Variants in SNX20 observed in about 807,000 individuals in gnomAD.
The protein encoded by SNX20 is sorting nexin 20.
SNX20 carries 21 observed loss-of-function variants against 24.5 expected under a neutral mutation model. The ratio of observed to expected loss-of-function variants is 0.86; its 90% CI spans 0.61 to 1.23. SNX20 has a LOEUF of 1.23. Ranked by LOEUF, SNX20 falls within the 50% of genes most tolerant of loss-of-function variation. The pLI is 0.00. For missense variants in SNX20, 433 were observed against 430.8 expected (o/e 1.00, Z -0.04); for synonymous variants, 206 against 192.8 (o/e 1.07, Z -0.57).
In SNX20 at chr16:50,675,671, C is replaced by G. The variant is rs922206545; in HGVS notation, c.282+99G>C. The G allele has an allele frequency of 5.5e-6, 8 of 1,466,014 alleles. No individual in the cohort carries two copies. The African/African-American group carries it at 1.1e-4, about 21-fold the overall frequency. 90.8% of individuals were successfully genotyped at this position (1,466,014 alleles called of 1,614,324 possible). A position where few individuals can be genotyped will look rare whatever the true frequency, so the allele number is the denominator to read the frequency against. On this transcript the variant is annotated intron_variant, in intron 3 of 3. Coordinates refer to ENST00000330943, the MANE Select transcript of SNX20 (RefSeq NM_182854.4). ...AAAGCTGTGAGTTAGTGTGTTGACC[C>G]ATTTCATAGTTGGGAAACCTGAGGC... is the stretch of plus-strand genomic sequence containing the variant.
intron 1 of SNX20, among the ~76,000 whole-genome samples, chr16:50,677,807 T>A (rs1000632392): frequency 6.6e-6 from 1 of 152,210 alleles, no homozygotes; most frequent in Non-Finnish European, 1.5e-5. Context: ...TGCTCAGAGT[T>A]TTAAATGAGA....
chr16:50,668,014 A>G, downstream of SNX20: 1 of 1,551,694 alleles, frequency 6.4e-7, no homozygotes, highest in Non-Finnish European at 8.7e-7. Flanking sequence ...GGGTCTTGAT[A>G]TCAGGGTGTG....
At chr16:50,675,669 C>A (rs1352690768) in intron 3 of SNX20, 101 bp downstream of exon 3, 60 of 1,455,598 alleles carry the variant, frequency 4.1e-5, no homozygotes, top group Non-Finnish European at 5.4e-5. Context: ...AGTGTGTTGA[C>A]CCATTTCATA....
chr16:50,680,597 C>A (rs1359948909), intron 1 of SNX20, among the ~76,000 whole-genome samples: 1 of 152,122 alleles, frequency 6.6e-6, no homozygotes, highest in Non-Finnish European at 1.5e-5. Context: ...GGATGAGCCT[C>A]TAGGGGGTGA....
chr16:50,673,904 C>T lies in SNX20; in HGVS notation c.453G>A (p.Glu151=), dbSNP rs1258690362. The change falls in exon 4 of 4, where the codon GAG becomes GAA. Residue 151 remains glutamate (E), a synonymous_variant. Coordinates refer to ENST00000330943, the MANE Select transcript of SNX20 (RefSeq NM_182854.4). This position sits in a 1 kb window ranked among gnomAD's most constrained non-coding sequence, Gnocchi z 4.1. ...PRKHLTGNFA[E]EMICERRRAL... is the part of the protein sequence containing the mutation. ...CGCGCCGACGCTCACAGATCATCTCCTCAGCGAAGTTCCCAGTCAGGTGCT... is the reference window on the plus strand; with the variant it reads ...CGCGCCGACGCTCACAGATCATCTCTTCAGCGAAGTTCCCAGTCAGGTGCT... 1 of 1,611,396 alleles carries T rather than the reference C, an allele frequency of 6.2e-7. No individual in the cohort carries two copies. The highest frequency in any genetic ancestry group is 1.7e-5 in the Admixed American group (1 of 59,862).
At chr16:50,680,777 T>G (rs1963280552) in intron 1 of SNX20, among the ~76,000 whole-genome samples, 1 of 151,640 alleles carries the variant, frequency 6.6e-6, no homozygotes, top group African/African-American at 2.4e-5. Context: ...CCTGGTGGGG[T>G]GGGGGTGGGA....
downstream of SNX20, chr16:50,668,262 A>T: frequency 7.0e-7 from 1 of 1,420,822 alleles, no homozygotes; most frequent in Non-Finnish European, 9.2e-7. Context: ...CTTTTGCAGG[A>T]CAACATTTTC....
chr16:50,679,034 T>G (rs1258422340), intron 1 of SNX20, among the ~76,000 whole-genome samples: 1 of 151,206 alleles, frequency 6.6e-6, no homozygotes, highest in African/African-American at 2.4e-5. Context: ...AAAGGGACAA[T>G]TAAAACATTA....
rs902879100 is a variant in SNX20 at position 50,673,614 on chromosome 16, G to T, written c.743C>A (p.Ala248Glu). ...GCGCTGCAGGGCCCTCTCTCCGGCCGCGAAGGCCTCGGCGGGGCGGTCGAG... is the reference window on the plus strand; with the variant it reads ...GCGCTGCAGGGCCCTCTCTCCGGCCTCGAAGGCCTCGGCGGGGCGGTCGAG... ...RDLDRPAEAF[A>E]AGERALQRLQ... Residue 248 changes from alanine to glutamate, a missense_variant, in exon 4 of 4, where the codon GCG becomes GAG. Physicochemically the swap from Ala to Glu is moderately radical, Grantham distance 107. Coordinates refer to ENST00000330943, the MANE Select transcript of SNX20 (RefSeq NM_182854.4). The surrounding 1 kb of genome is among the most constrained non-coding windows in gnomAD (Gnocchi z 4.1). 1.5e-5 allele frequency: 23 copies of T among 1,573,690 alleles called. No individual in the cohort carries two copies. Among genetic ancestry groups the T allele is most frequent in the Non-Finnish European group, 1.9e-5 (22 of 1,167,362 alleles).
downstream of SNX20, chr16:50,670,422 T>C (rs1260750878): frequency 6.6e-6 from 1 of 152,178 alleles, no homozygotes; most frequent in East Asian, 1.9e-4. Flanking sequence ...AATTCTGTGT[T>C]CCTAACAAGG....
chr16:50,668,103 T>C, downstream of SNX20: 1 of 1,551,478 alleles, frequency 6.4e-7, no homozygotes, highest in South Asian at 1.2e-5. Flanking sequence ...ACTTAGGAGC[T>C]GGAGAGCACA....
downstream of SNX20, chr16:50,668,356 CTCTTT>C: frequency 2.6e-6 from 3 of 1,140,012 alleles, no homozygotes; most frequent in Non-Finnish European, 3.4e-6. Flanking sequence ...CTGTCTCTCT[CTCTTT>C]TAACAAAAGT....
downstream of SNX20, chr16:50,668,748 G>A (rs1962973386): frequency 8.7e-7 from 1 of 1,145,272 alleles, no homozygotes; most frequent in South Asian, 3.6e-5. Flanking sequence ...GAGGCCTGCT[G>A]GGGATGTGTT....
rs930507012 is a variant in SNX20, at chr16:50,673,777, C to T, written c.580G>A (p.Gly194Ser). The change falls in exon 4 of 4, where the codon GGC becomes AGC. Residue 194 changes from glycine to serine, a missense_variant. Transcript: ENST00000330943. This position sits in a 1 kb window ranked among gnomAD's most constrained non-coding sequence, Gnocchi z 4.1. ...GGGTACTGGCCGGCCCGCAGGCAGC[C>T]GAAAGCCTCGCGCAGCTCCGGCCGC... is the stretch of plus-strand genomic sequence containing the variant. ...LTRPELREAF[G>S]CLRAGQYPRA... 13 of 1,545,904 alleles carry T rather than the reference C, an allele frequency of 8.4e-6. No individual in the cohort carries two copies. Among genetic ancestry groups the T allele is most frequent in the Non-Finnish European group, 1.1e-5 (13 of 1,153,316 alleles).
chr16:50,673,515 C>T lies in SNX20; in HGVS notation c.842G>A (p.Gly281Asp). 1 of 1,610,250 alleles carries T rather than the reference C, an allele frequency of 6.2e-7. No individual in the cohort carries two copies. The highest frequency in any genetic ancestry group is 1.1e-5 in the South Asian group (1 of 90,776). Residue 281 changes from glycine (G) to aspartate (D), a missense_variant, in exon 4 of 4, where the codon GGC becomes GAC. Gly to Asp is a moderately conservative substitution (Grantham distance 94). Transcript: ENST00000330943. This position sits in a 1 kb window ranked among gnomAD's most constrained non-coding sequence, Gnocchi z 4.1. ...DAMVRLAYAL[G>D]KDFVTLQERL... ...CTCCTGCAGAGTCACGAAGTCCTTGCCCAGCGCGTAGGCCAGGCGGACCAT... is the reference window on the plus strand; with the variant it reads ...CTCCTGCAGAGTCACGAAGTCCTTGTCCAGCGCGTAGGCCAGGCGGACCAT...
chr16:50,678,393 T>A (rs1963230270), intron 1 of SNX20, among the ~76,000 whole-genome samples: 1 of 152,202 alleles, frequency 6.6e-6, no homozygotes, highest in South Asian at 2.1e-4. Context: ...TACCACCACA[T>A]AACAGATGAG....
downstream of SNX20, chr16:50,668,323 C>T (rs185216078): frequency 2.7e-3 from 3,442 of 1,287,564 alleles, 12 homozygotes; most frequent in South Asian, 5.7e-3. Context: ...GATTGCAGGT[C>T]TCTAATGCTT....
At position 50,672,279 on chromosome 16, in the gene SNX20, C is replaced by A. The variant is rs902541555; in HGVS notation, c.*1127G>T. 6.6e-6 allele frequency: 1 copy of A among 152,222 alleles called. No homozygotes were observed. Among genetic ancestry groups the A allele is most frequent in the Non-Finnish European group, 1.5e-5 (1 of 68,064 alleles). 9.4% of individuals were successfully genotyped at this position (152,222 alleles called of 1,614,324 possible). A position where few individuals can be genotyped will look rare whatever the true frequency, so the allele number is the denominator to read the frequency against. On this transcript the variant is annotated 3_prime_UTR_variant, in exon 4 of 4. Transcript: ENST00000330943. ...ATTAAGTATGTTGTATCACCTCCTCCCCAGGCTGTTTCTACATAACCCAGG... is the reference window on the plus strand; with the variant it reads ...ATTAAGTATGTTGTATCACCTCCTCACCAGGCTGTTTCTACATAACCCAGG...
In SNX20 at chr16:50,673,845, A is replaced by G; in HGVS notation, c.512T>C (p.Ile171Thr). The G allele has an allele frequency of 6.2e-7, 1 of 1,601,914 alleles. No homozygotes were observed. Reference sequence around the variant, plus strand: ...CTCCCGGGAGCGGCGCACGCAGCGGATGGCGTAGAGCAGGCCCAGGTACTC... The same window carrying G: ...CTCCCGGGAGCGGCGCACGCAGCGGGTGGCGTAGAGCAGGCCCAGGTACTC... ...LQEYLGLLYAIRCVRRSREFL... is the reference protein window; with the variant it reads ...LQEYLGLLYATRCVRRSREFL... The change falls in exon 4 of 4, where the codon ATC becomes ACC. Residue 171 changes from isoleucine to threonine, a missense_variant. Coordinates refer to ENST00000330943, the MANE Select transcript of SNX20 (RefSeq NM_182854.4). This position sits in a 1 kb window ranked among gnomAD's most constrained non-coding sequence, Gnocchi z 4.1.
Sources: gnomAD v4.1 joint callset for allele counts (sites outside exome capture counted in the v4.1 genomes callset) on GRCh38, gnomAD v4.1.1 for gene constraint, Gnocchi (gnomAD v3.1) non-coding constraint, MANE v1.5 for transcripts, NCBI Gene and HGNC (gene_info 2026-07-23, HGNC 2026-07-21) for gene names.